SBNO2: variants seen among roughly 807,000 people sequenced by gnomAD.
The protein encoded by SBNO2 is strawberry notch homolog 2.
SBNO2 carries 89 observed loss-of-function variants against 146.3 expected under a neutral mutation model. The ratio of observed to expected loss-of-function variants is 0.61; its 90% CI spans 0.51 to 0.73. SBNO2 has a LOEUF of 0.73. Ranked by LOEUF, SBNO2 falls within the 30% of genes least tolerant of loss-of-function variation. SBNO2 has a pLI of 0.00. For synonymous variants in SBNO2, 1,147 were observed against 892.6 expected (o/e 1.29, Z -5.08); for missense variants, 2,092 against 2,003.7 (o/e 1.04, Z -0.84).
intron 1 of SBNO2, among the ~76,000 whole-genome samples, chr19:1,171,602 G>C (rs984804798): frequency 6.6e-6 from 1 of 152,142 alleles, no homozygotes; most frequent in Non-Finnish European, 1.5e-5. Flanking sequence ...CGACACAGTC[G>C]CCTCTTTGTT....
Position 1,130,309 on chromosome 19 carries a change from C to A in SBNO2, c.280-2544G>T, listed in dbSNP as rs367961625. On this transcript the variant is annotated intron_variant, in intron 4 of 31. Transcript: ENST00000361757. ...ACGGGGACTCTCTGCACTGTCCCTG[C>A]AGCTTTTCTGTCATTCTAAAACAGT... Among the ~76,000 whole-genome samples, 6 of 152,242 alleles carry A rather than the reference C, an allele frequency of 3.9e-5. No individual in the cohort carries two copies. In the East Asian group the frequency reaches 7.7e-4, roughly 20 times the overall value.
At chr19:1,153,208 T>C (rs2080258422) in intron 2 of SBNO2, among the ~76,000 whole-genome samples, 1 of 151,036 alleles carries the variant, frequency 6.6e-6, no homozygotes, top group African/African-American at 2.4e-5. Context: ...TAAATATATA[T>C]ATACACGTTT....
At position 1,112,817 on chromosome 19, in the gene SBNO2, C is replaced by T; in HGVS notation, c.2379+1G>A. 6.4e-7 allele frequency: 1 copy of T among 1,569,686 alleles called. No homozygotes were observed. The highest frequency in any genetic ancestry group is 8.6e-7 in the Non-Finnish European group (1 of 1,159,138). ...GCGCCCAGTGCACTGCAGCCCCGCA[C>T]CTTCTCGCCGCTCATGAAGCGCTGC... On this transcript the variant is annotated splice_donor_variant, in intron 20 of 31. Transcript: ENST00000361757. LOFTEE classifies it high-confidence loss of function. This position sits in a 1 kb window ranked among gnomAD's most constrained non-coding sequence, Gnocchi z 5.9.
chr19:1,148,393 G>A (rs72975602), intron 3 of SBNO2, among the ~76,000 whole-genome samples: 2,266 of 151,874 alleles, frequency 0.015, 23 homozygotes, highest in Non-Finnish European at 0.02. Flanking sequence ...CAGCCTGCTC[G>A]ACTGCTCGCC....
Position 1,173,583 on chromosome 19 carries a change from G to C in SBNO2, c.-127+589C>G, listed in dbSNP as rs2080501877. 6.6e-6 allele frequency: 1 copy of C among 152,554 alleles called. No homozygotes were observed. The highest frequency in any genetic ancestry group is 1.5e-5 in the Non-Finnish European group (1 of 68,312). 9.5% of individuals were successfully genotyped at this position (152,554 alleles called of 1,614,324 possible). On this transcript the variant is annotated intron_variant, in intron 1 of 31. Transcript: ENST00000361757. This position sits in a 1 kb window ranked among gnomAD's most constrained non-coding sequence, Gnocchi z 4.7. ...CAAGGGTCCTGGGACCGGGGACAAG[G>C]AGGAGGAAGGGGCACGAACGCCCGA... is the stretch of plus-strand genomic sequence containing the variant.
chr19:1,146,869 G>T (rs2080195586), intron 4 of SBNO2, among the ~76,000 whole-genome samples: 1 of 152,082 alleles, frequency 6.6e-6, no homozygotes, highest in Non-Finnish European at 1.5e-5. Flanking sequence ...CGCGACCCTG[G>T]GGAGAAGGAG....
intron 1 of SBNO2, among the ~76,000 whole-genome samples, chr19:1,166,649 A>G (rs1421754799): frequency 6.6e-6 from 1 of 150,736 alleles, no homozygotes; most frequent in African/African-American, 2.5e-5. Context: ...ACACACACAC[A>G]CGCTAAAAGC....
rs546924218 is a variant in SBNO2 at position 1,112,921 on chromosome 19, G to T, written c.2276C>A (p.Ser759Tyr). 3.2e-6 allele frequency: 5 copies of T among 1,567,076 alleles called. No individual in the cohort carries two copies. The African/African-American group carries it at 5.4e-5, about 17-fold the overall frequency. ...EMTGRKGRVV[S>Y]RPDGTVAFES... ...GAAGGCCACCGTCCCGTCGGGCCTG[G>T]ACACCACGCGGCCTTTCCTGCCGGT... Residue 759 changes from serine to tyrosine, a missense_variant, in exon 20 of 32, where the codon TCC (serine) becomes TAC (tyrosine). Coordinates refer to ENST00000361757, the MANE Select transcript of SBNO2 (RefSeq NM_014963.3). This position sits in a 1 kb window ranked among gnomAD's most constrained non-coding sequence, Gnocchi z 5.9.
At position 1,112,701 on chromosome 19, in the gene SBNO2, C is replaced by T. The variant is rs2079780297; in HGVS notation, c.2379+117G>A. On this transcript the variant is annotated intron_variant, in intron 20 of 31. Transcript: ENST00000361757. The surrounding 1 kb of genome is among the most constrained non-coding windows in gnomAD (Gnocchi z 5.9). Reference sequence around the variant, plus strand: ...CACCCGCCACACGGCCACTCGCGCCCGCACCTGGCACACACACACTCCAGA... The same window carrying T: ...CACCCGCCACACGGCCACTCGCGCCTGCACCTGGCACACACACACTCCAGA... 2.8e-6 allele frequency: 4 copies of T among 1,445,572 alleles called. No individual in the cohort carries two copies. Among genetic ancestry groups the T allele is most frequent in the Admixed American group, 2.4e-5 (1 of 41,074 alleles). 89.5% of individuals were successfully genotyped at this position (1,445,572 alleles called of 1,614,324 possible).
rs868020180 is a variant in SBNO2 at position 1,146,929 on chromosome 19, C to G, written c.279+380G>C. Among the ~76,000 whole-genome samples, 5 of 152,162 alleles carry G rather than the reference C, an allele frequency of 3.3e-5. No homozygotes were observed. The East Asian group carries it at 9.7e-4, about 29-fold the overall frequency. On this transcript the variant is annotated intron_variant, in intron 4 of 31. Transcript: ENST00000361757. ...TGTGAGTTCCGTTTTCAGGTGGCTG[C>G]TAAGGGGTTGGGACTCCAATGTGCA...
In SBNO2 at chr19:1,157,834, C is replaced by T. The variant is rs183453199; in HGVS notation, c.-126-3432G>A. ...GCTCTCTCCTGAGTCCGGGTAACTG[C>T]GTCCGCCTCCCAGCTCTCTCTCTTG... On this transcript the variant is annotated intron_variant, in intron 1 of 31. Coordinates refer to ENST00000361757, the MANE Select transcript of SBNO2 (RefSeq NM_014963.3). The surrounding 1 kb of genome is among the most constrained non-coding windows in gnomAD (Gnocchi z 6.8). Among the ~76,000 whole-genome samples, 30 of 145,934 alleles carry T rather than the reference C, an allele frequency of 2.1e-4. No individual in the cohort carries two copies. Among genetic ancestry groups the T allele is most frequent in the East Asian group, 5.9e-4 (3 of 5,112 alleles).
At chr19:1,118,756 C>T (rs1338514212) in intron 14 of SBNO2, among the ~76,000 whole-genome samples, 1 of 152,102 alleles carries the variant, frequency 6.6e-6, no homozygotes, top group Non-Finnish European at 1.5e-5. Flanking sequence ...CCTGTAACTC[C>T]AGCTACTCGA....
intron 5 of SBNO2, among the ~76,000 whole-genome samples, chr19:1,125,774 C>A (rs1004786950): frequency 6.6e-6 from 1 of 152,100 alleles, no homozygotes; most frequent in Non-Finnish European, 1.5e-5. Context: ...CGGGCGAGAT[C>A]TTTTGGGGCC....
chr19:1,124,150 G>A, intron 5 of SBNO2, 128 bp from the exon 6 acceptor site: 1 of 863,846 alleles, frequency 1.2e-6, no homozygotes, highest in South Asian at 1.5e-5. Context: ...TCGCTCCCCA[G>A]GGCCCTGGGT....
rs1355665644 is a variant in SBNO2 at position 1,158,723 on chromosome 19, C to T, written c.-126-4321G>A. 3.3e-5 allele frequency among the ~76,000 whole-genome samples: 5 copies of T among 152,176 alleles called. No homozygotes were observed. Among genetic ancestry groups the T allele is most frequent in the Non-Finnish European group, 5.9e-5 (4 of 68,010 alleles). ...CCGCATTACCTCAGCCGAGGTTCTC[C>T]GGGCAGGCACAAGGCGCTCCCTGCG... is the stretch of plus-strand genomic sequence containing the variant. On this transcript the variant is annotated intron_variant, in intron 1 of 31. Coordinates refer to ENST00000361757, the MANE Select transcript of SBNO2 (RefSeq NM_014963.3). The surrounding 1 kb of genome is among the most constrained non-coding windows in gnomAD (Gnocchi z 9.9).
chr19:1,159,698 G>A (rs1484041519), intron 1 of SBNO2, among the ~76,000 whole-genome samples: 8 of 88,142 alleles, frequency 9.1e-5, no homozygotes, highest in Non-Finnish European at 1.6e-4. Context: ...GGGGGGCAGC[G>A]GCGGATGGGA....
intron 1 of SBNO2, among the ~76,000 whole-genome samples, chr19:1,164,420 CAGGAGGAGGAGG>C (rs1325727843): frequency 1.7e-4 from 2 of 11,542 alleles, no homozygotes; most frequent in African/African-American, 7.2e-4. Context: ...GGAGGAGGAA[CAGGAGGAGGAGG>C]AGGAGGAGGA....
rs2080314194 is a variant in SBNO2, at chr19:1,158,598, G to A, written c.-126-4196C>T. Among the ~76,000 whole-genome samples, 2 of 152,226 alleles carry A rather than the reference G, an allele frequency of 1.3e-5. No individual in the cohort carries two copies. The highest frequency in any genetic ancestry group is 4.1e-4 in the South Asian group (2 of 4,832). On this transcript the variant is annotated intron_variant, in intron 1 of 31. Transcript: ENST00000361757. This position sits in a 1 kb window ranked among gnomAD's most constrained non-coding sequence, Gnocchi z 9.9. The stretch of plus-strand genomic sequence containing the variant: ...GCATCTCAAGGCCTGCGCCAGCAAA[G>A]GCGGACATGGAGGTCTGAGGAGGAG...
intron 2 of SBNO2, 68 bp downstream of exon 2, chr19:1,154,116 G>A (rs908602140): frequency 3.3e-5 from 25 of 751,268 alleles, no homozygotes; most frequent in African/African-American, 1.5e-4. Flanking sequence ...ACGTGACCCC[G>A]GGCACTCGGA....
Sources: allele counts gnomAD v4.1 joint callset (sites outside exome capture counted in the v4.1 genomes callset), GRCh38; gene constraint gnomAD v4.1.1; non-coding constraint Gnocchi (gnomAD v3.1); transcripts MANE v1.5; gene names NCBI Gene and HGNC (gene_info 2026-07-23, HGNC 2026-07-21).